ZMIZ1: variants seen among roughly 807,000 people sequenced by gnomAD.
ZMIZ1 encodes zinc finger MIZ domain-containing protein 1.
Under a neutral mutation model 113.9 loss-of-function variants are expected in ZMIZ1, and 17 were observed. The ratio of observed to expected loss-of-function variants is 0.15; its 90% CI spans 0.10 to 0.22. ZMIZ1 has a LOEUF of 0.22. ZMIZ1 is among the 10% of genes least tolerant of loss of function. ZMIZ1 has a pLI of 1.00. For synonymous variants in ZMIZ1, 607 were observed against 603.1 expected (o/e 1.01, Z -0.09); for missense variants, 1,059 against 1,477.8 (o/e 0.72, Z 4.65).
At chr10:79,104,950 G>GGTGTGTGTGTGTGTGT (rs58453718) in intron 1 of ZMIZ1, among the ~76,000 whole-genome samples, 11 of 140,092 alleles carry the variant, frequency 7.9e-5, no homozygotes, top group African/African-American at 2.7e-4. Flanking sequence ...GTTGTTGTGG[G>GGTGTGTGTGTGTGTGT]GTGTGTGTGT....
chr10:79,276,699 T>A (rs979215972), intron 7 of ZMIZ1, among the ~76,000 whole-genome samples: 4 of 152,134 alleles, frequency 2.6e-5, no homozygotes. Context: ...GTTCAAACCT[T>A]GTGATGTTTG....
intron 3 of ZMIZ1, among the ~76,000 whole-genome samples, chr10:79,155,911 C>A (rs562620370): frequency 6.6e-6 from 1 of 152,218 alleles, no homozygotes; most frequent in Admixed American, 6.5e-5. Context: ...GCTTCCAGGC[C>A]GAGCTGGGCT....
chr10:79,198,736 A>C (rs1246388408), intron 4 of ZMIZ1, among the ~76,000 whole-genome samples: 1 of 152,250 alleles, frequency 6.6e-6, no homozygotes, highest in Non-Finnish European at 1.5e-5. Flanking sequence ...GCAGCACTGC[A>C]ATGATAAAAA....
At chr10:79,209,556 C>G (rs1039937287) in intron 6 of ZMIZ1, among the ~76,000 whole-genome samples, 4 of 152,226 alleles carry the variant, frequency 2.6e-5, no homozygotes, top group African/African-American at 9.6e-5. Flanking sequence ...GATGTCTGGC[C>G]AGGCGGGAAC....
chr10:79,156,562 G>A (rs796313487), intron 3 of ZMIZ1, among the ~76,000 whole-genome samples: 7 of 152,340 alleles, frequency 4.6e-5, no homozygotes, highest in African/African-American at 1.7e-4. Context: ...GGAGCCGAGG[G>A]GCATGTGGCA....
intron 1 of ZMIZ1, among the ~76,000 whole-genome samples, chr10:79,102,366 C>T (rs1205101218): frequency 1.3e-5 from 2 of 152,252 alleles, no homozygotes; most frequent in Non-Finnish European, 2.9e-5. Context: ...GCTCAGCCCC[C>T]TCCTTCTGCC....
intron 8 of ZMIZ1, among the ~76,000 whole-genome samples, chr10:79,287,459 C>G (rs1358661286): frequency 6.6e-6 from 1 of 152,280 alleles, no homozygotes; most frequent in Non-Finnish European, 1.5e-5. Context: ...CCCCAGAAAT[C>G]ACGAGCAGCG....
rs1589630999 is a variant in ZMIZ1, at chr10:79,314,290, T to C, written c.*1541T>C. 1 of 456,268 alleles carries C rather than the reference T, an allele frequency of 2.2e-6. No individual in the cohort carries two copies. Among genetic ancestry groups the C allele is most frequent in the African/African-American group, 2.0e-5 (1 of 50,188 alleles). 28.3% of individuals were successfully genotyped at this position (456,268 alleles called of 1,614,324 possible). A position where few individuals can be genotyped will look rare whatever the true frequency, so the allele number is the denominator to read the frequency against. ...GTTGTCCCGTCACTGGGGTCCCATC[T>C]GTAAATTCTTTGCGCCCTTCCCGGC... On this transcript the variant is annotated 3_prime_UTR_variant, in exon 25 of 25. Transcript: ENST00000334512.
At chr10:79,102,156 A>G (rs1026640786) in intron 1 of ZMIZ1, among the ~76,000 whole-genome samples, 2 of 151,992 alleles carry the variant, frequency 1.3e-5, no homozygotes, top group South Asian at 2.1e-4. Context: ...CCTACAAACA[A>G]CCCAAGGGAA....
intron 1 of ZMIZ1, among the ~76,000 whole-genome samples, chr10:79,101,741 G>A (rs1188715159): frequency 2.0e-5 from 3 of 152,128 alleles, no homozygotes; most frequent in Admixed American, 6.5e-5. Context: ...TGGCAGGTGC[G>A]TTCCATCATC....
intron 7 of ZMIZ1, among the ~76,000 whole-genome samples, chr10:79,260,374 G>A (rs531741332): frequency 5.9e-5 from 9 of 152,288 alleles, no homozygotes; most frequent in South Asian, 2.1e-4. Context: ...AGAGGGAGTC[G>A]GTGGTGGGGA....
At chr10:79,249,676 G>C (rs1472556624) in intron 7 of ZMIZ1, among the ~76,000 whole-genome samples, 2 of 152,210 alleles carry the variant, frequency 1.3e-5, no homozygotes, top group Non-Finnish European at 2.9e-5. Context: ...CGGGCTAGTG[G>C]CTACCAGATT....
At chr10:79,279,992 CT>C (rs113546164) in intron 8 of ZMIZ1, among the ~76,000 whole-genome samples, 228 of 139,292 alleles carry the variant, frequency 1.6e-3, no homozygotes, top group South Asian at 2.3e-3. Context: ...ATTATTATTA[CT>C]TTTTTTTTTT....
chr10:79,305,246 C>T lies in ZMIZ1; in HGVS notation c.2354+15C>T, dbSNP rs201393211. The T allele has an allele frequency of 7.2e-5, 116 of 1,613,666 alleles. No homozygotes were observed. Among genetic ancestry groups the T allele is most frequent in the Non-Finnish European group, 9.2e-5 (108 of 1,179,800 alleles). ...CCTGTGTGCAAGTGAGTGATGCCCA[C>T]CCCGGTGGGGGCTTCCCCCATCCCC... On this transcript the variant is annotated intron_variant, in intron 20 of 24. Transcript: ENST00000334512.
chr10:79,093,386 AGCGTGATCTCAGCTCACT>A (rs1446142756), intron 1 of ZMIZ1, among the ~76,000 whole-genome samples: 6 of 151,522 alleles, frequency 4.0e-5, no homozygotes, highest in Non-Finnish European at 7.4e-5. Context: ...GGAGTGCAGT[AGCGTGATCTCAGCTCACT>A]GCAATCCTGC....
At chr10:79,121,057 T>C (rs1054201462) in intron 2 of ZMIZ1, among the ~76,000 whole-genome samples, 16 of 152,176 alleles carry the variant, frequency 1.1e-4, no homozygotes, top group African/African-American at 3.1e-4. Flanking sequence ...ACCAAGCAAT[T>C]TCCAGATGAG....
chr10:79,275,319 AC>A (rs542076860), intron 7 of ZMIZ1, among the ~76,000 whole-genome samples: 43 of 152,296 alleles, frequency 2.8e-4, no homozygotes, highest in African/African-American at 1.0e-3. Flanking sequence ...AGGTGACCCC[AC>A]GGAGGGGGGC....
At chr10:79,190,829 C>T (rs1228281866) in intron 4 of ZMIZ1, among the ~76,000 whole-genome samples, 1 of 152,192 alleles carries the variant, frequency 6.6e-6, no homozygotes, top group Non-Finnish European at 1.5e-5. Context: ...TGAAAAGAAC[C>T]TGGCTGTGAC....
intron 10 of ZMIZ1, among the ~76,000 whole-genome samples, chr10:79,291,550 G>GA (rs1300143694): frequency 6.6e-6 from 1 of 152,240 alleles, no homozygotes; most frequent in Non-Finnish European, 1.5e-5. Flanking sequence ...CAAAGACAGT[G>GA]AAGCAGTCTG....
Sources: allele counts gnomAD v4.1 joint callset (sites outside exome capture counted in the v4.1 genomes callset), GRCh38; gene constraint gnomAD v4.1.1; transcripts MANE v1.5; gene names NCBI Gene and HGNC (gene_info 2026-07-23, HGNC 2026-07-21).